The following SGCZ variants were observed in gnomAD, a reference collection of about 807,000 sequenced individuals.
SGCZ encodes the protein zeta-sarcoglycan.
Under a neutral mutation model 41.3 loss-of-function variants are expected in SGCZ, and 40 were observed. The observed-to-expected ratio is 0.97, with a 90% confidence interval of 0.75 to 1.26. The LOEUF (loss-of-function observed/expected upper bound fraction) is 1.26. SGCZ is among the 50% of genes most tolerant of loss of function. The pLI is 0.00. For missense variants in SGCZ, 552 were observed against 369.8 expected, an observed-to-expected ratio of 1.49 and a Z score of -4.04; for synonymous variants, 206 against 137.5, an observed-to-expected ratio of 1.50 and a Z score of -3.49.
chr8:14,647,761 C>A (rs1490384758), intron 1 of SGCZ, among the ~76,000 whole-genome samples: 2 of 151,832 alleles, frequency 1.3e-5, no homozygotes, highest in Non-Finnish European at 2.9e-5. Flanking sequence ...GGGTGAGAAA[C>A]CTGGACACTT....
chr8:14,937,886 G>A (rs1256560372), intron 1 of SGCZ, among the ~76,000 whole-genome samples: 2 of 152,068 alleles, frequency 1.3e-5, no homozygotes, highest in Admixed American at 1.3e-4. Context: ...AAAAATTCAT[G>A]ATGAATGAAT....
chr8:14,495,884 G>A (rs1182875822), intron 2 of SGCZ, among the ~76,000 whole-genome samples: 2 of 152,110 alleles, frequency 1.3e-5, no homozygotes, highest in Admixed American at 6.6e-5. Flanking sequence ...GTGATCACAG[G>A]CCAGCAGCTG....
chr8:14,554,669 G>A (rs1224617355), intron 2 of SGCZ, 63 bp downstream of exon 2: 7 of 1,334,946 alleles, frequency 5.2e-6, no homozygotes, highest in Non-Finnish European at 7.1e-6. Context: ...AAAAATTAAA[G>A]TAACAGAGCT....
intron 3 of SGCZ, among the ~76,000 whole-genome samples, chr8:14,288,585 T>G (rs897259655): frequency 5.9e-5 from 9 of 152,192 alleles, no homozygotes; most frequent in African/African-American, 2.2e-4. Context: ...CAAGATTCAT[T>G]CATGTTGAAA....
At chr8:14,224,063 T>A (rs1806291533) in intron 4 of SGCZ, among the ~76,000 whole-genome samples, 1 of 152,204 alleles carries the variant, frequency 6.6e-6, no homozygotes, top group African/African-American at 2.4e-5. Context: ...CTAATTTACA[T>A]AATAAAGCAC....
chr8:14,551,541 TA>T (rs1563404654), intron 2 of SGCZ, among the ~76,000 whole-genome samples: 237 of 15,428 alleles, frequency 0.015, 17 homozygotes, highest in African/African-American at 0.053. Flanking sequence ...ATAATATATA[TA>T]ATATATATAA....
chr8:14,562,447 AAAG>A (rs1213178148), intron 1 of SGCZ, among the ~76,000 whole-genome samples: 1 of 152,182 alleles, frequency 6.6e-6, no homozygotes, highest in Non-Finnish European at 1.5e-5. Flanking sequence ...ATACAATAAA[AAAG>A]AAATACATTA....
intron 2 of SGCZ, among the ~76,000 whole-genome samples, chr8:14,327,036 A>G (rs898810314): frequency 6.6e-6 from 1 of 152,204 alleles, no homozygotes; most frequent in Non-Finnish European, 1.5e-5. Context: ...TATTTTTCTC[A>G]TTGAAGCATG....
At chr8:14,521,509 A>C (rs73531020) in intron 2 of SGCZ, among the ~76,000 whole-genome samples, 6,363 of 152,170 alleles carry the variant, frequency 0.042, 355 homozygotes, top group African/African-American at 0.13. Context: ...CTGCTGATTC[A>C]TATTCCACAG....
intron 2 of SGCZ, among the ~76,000 whole-genome samples, chr8:14,493,118 A>G (rs985049596): frequency 3.3e-5 from 5 of 152,048 alleles, no homozygotes; most frequent in African/African-American, 1.2e-4. Flanking sequence ...TTGCATTGTA[A>G]ATTGCTCTGT....
intron 1 of SGCZ, among the ~76,000 whole-genome samples, chr8:14,629,024 T>C (rs1419013673): frequency 6.6e-6 from 1 of 152,146 alleles, no homozygotes; most frequent in Non-Finnish European, 1.5e-5. Flanking sequence ...CAGCTGTGTT[T>C]AATTTCCCTT....
At chr8:14,718,853 A>T (rs75807368) in intron 1 of SGCZ, among the ~76,000 whole-genome samples, 53,218 of 147,326 alleles carry the variant, frequency 0.36, 11,355 homozygotes, top group African/African-American at 0.59. Context: ...ATATATATAT[A>T]TTTTTATTAT....
chr8:14,505,617 T>C (rs1337511271), intron 2 of SGCZ, among the ~76,000 whole-genome samples: 1 of 152,194 alleles, frequency 6.6e-6, no homozygotes, highest in Non-Finnish European at 1.5e-5. Context: ...GTCTTATATG[T>C]ATATCTCTCT....
intron 1 of SGCZ, among the ~76,000 whole-genome samples, chr8:14,701,096 A>C (rs77849008): frequency 0.055 from 8,337 of 152,028 alleles, 774 homozygotes; most frequent in African/African-American, 0.19. Flanking sequence ...ATAAGATGGA[A>C]GCATAAGCTA....
chr8:15,094,151 T>C (rs1806251170), intron 1 of SGCZ, among the ~76,000 whole-genome samples: 1 of 152,134 alleles, frequency 6.6e-6, no homozygotes, highest in African/African-American at 2.4e-5. Context: ...ATTTTTTTTT[T>C]TGAGACACGG....
intron 1 of SGCZ, among the ~76,000 whole-genome samples, chr8:15,064,324 A>AT (rs35501052): frequency 6.6e-6 from 1 of 152,154 alleles, no homozygotes; most frequent in Non-Finnish European, 1.5e-5. Context: ...TGACATCATC[A>AT]TTTTTTGTCA....
chr8:14,152,331 AG>A (rs1190143819), intron 5 of SGCZ, among the ~76,000 whole-genome samples: 2 of 152,192 alleles, frequency 1.3e-5, no homozygotes, highest in African/African-American at 2.4e-5. Flanking sequence ...ACACATAAAA[AG>A]GTGTTCAATG....
At chr8:15,204,098 T>C (rs1262171374) in intron 1 of SGCZ, among the ~76,000 whole-genome samples, 5 of 152,216 alleles carry the variant, frequency 3.3e-5, no homozygotes, top group Non-Finnish European at 7.3e-5. Context: ...TATCTACTCC[T>C]AGCATTAAAC....
chr8:14,730,537 G>A (rs181808135), intron 1 of SGCZ, among the ~76,000 whole-genome samples: 8 of 151,928 alleles, frequency 5.3e-5, no homozygotes, highest in Non-Finnish European at 1.2e-4. Context: ...CTCAGAAGAA[G>A]GGAATCAGAA....
Sources: gnomAD v4.1 joint callset for allele counts (sites outside exome capture counted in the v4.1 genomes callset) on GRCh38, gnomAD v4.1.1 for gene constraint, MANE v1.5 for transcripts, NCBI Gene and HGNC (gene_info 2026-07-23, HGNC 2026-07-21) for gene names.